Variants in FAT3 observed in about 807,000 individuals in gnomAD.
FAT3 encodes FAT atypical cadherin 3, also known as protocadherin Fat 3.
A neutral mutation model predicts 310.2 loss-of-function variants in FAT3; 95 were observed. The ratio of observed to expected loss-of-function variants is 0.31; its 90% confidence interval spans 0.26 to 0.36. FAT3 has a LOEUF of 0.36. Ranked by LOEUF, FAT3 falls within the 10% of genes least tolerant of loss-of-function variation. The pLI, the probability that FAT3 is intolerant of heterozygous loss-of-function variation, is 1.00. For missense variants in FAT3, 5,408 were observed against 5,715.6 expected (o/e 0.95, Z 1.74); for synonymous variants, 2,314 against 2,192.9 (o/e 1.06, Z -1.54).
chr11:92,641,539 A>G (rs1941963900), intron 3 of FAT3, among the ~76,000 whole-genome samples: 1 of 152,108 alleles, frequency 6.6e-6, no homozygotes, highest in Admixed American at 6.5e-5. Flanking sequence ...CCTTGGCTTG[A>G]GGCTGCGTCA....
chr11:92,685,063 C>T (rs905282271), intron 3 of FAT3, among the ~76,000 whole-genome samples: 19 of 152,192 alleles, frequency 1.2e-4, no homozygotes, highest in Admixed American at 1.2e-3. Context: ...AAATCAGAGA[C>T]TGACTATTTT....
chr11:92,865,287 A>T (rs1248948696), intron 21 of FAT3, among the ~76,000 whole-genome samples: 1 of 152,224 alleles, frequency 6.6e-6, no homozygotes, highest in Non-Finnish European at 1.5e-5. Context: ...AGAATGAGAG[A>T]TGCTCTGATA....
intron 4 of FAT3, among the ~76,000 whole-genome samples, chr11:92,758,238 A>G (rs964808633): frequency 2.6e-5 from 4 of 152,192 alleles, no homozygotes; most frequent in African/African-American, 9.7e-5. Context: ...ACAGTCTAGA[A>G]GGATTGAATG....
At chr11:92,405,590 C>G in intron 2 of FAT3, among the ~76,000 whole-genome samples, 1 of 152,122 alleles carries the variant, frequency 6.6e-6, no homozygotes, top group East Asian at 1.9e-4. Flanking sequence ...GACCCCATCT[C>G]TACAAAATAA....
At chr11:92,752,801 G>A (rs973082186) in intron 4 of FAT3, among the ~76,000 whole-genome samples, 1 of 152,172 alleles carries the variant, frequency 6.6e-6, no homozygotes, top group Non-Finnish European at 1.5e-5. Context: ...GGATAACAGA[G>A]GGGCTTTGCA....
At chr11:92,428,655 A>G (rs760815345) in intron 2 of FAT3, among the ~76,000 whole-genome samples, 1 of 152,200 alleles carries the variant, frequency 6.6e-6, no homozygotes, top group African/African-American at 2.4e-5. Context: ...GTAGTCATTC[A>G]GCAGCAGATT....
At chr11:92,713,579 A>G (rs1944590670) in intron 4 of FAT3, among the ~76,000 whole-genome samples, 1 of 152,116 alleles carries the variant, frequency 6.6e-6, no homozygotes, top group Admixed American at 6.6e-5. Context: ...CTGTACTTTA[A>G]TTTTTTCTCT....
intron 2 of FAT3, among the ~76,000 whole-genome samples, chr11:92,472,001 T>A (rs1418954970): frequency 6.7e-6 from 1 of 149,226 alleles, no homozygotes. Flanking sequence ...TTTATGTATG[T>A]AATTTATAGA....
chr11:92,844,057 G>C lies in FAT3; in HGVS notation c.10690G>C (p.Asp3564His), dbSNP rs981683617. The change falls in exon 19 of 28, where the codon GAC becomes CAC. Residue 3564 changes from aspartate to histidine, a missense_variant. Physicochemically the swap from Asp to His is moderately conservative, Grantham distance 81. Around this residue, in one of 5 missense-constraint regions of FAT3, gnomAD observed 4,588 missense variants for 4,809.8 expected, o/e 0.95. Coordinates refer to ENST00000525166, the MANE Select transcript of FAT3 (RefSeq NM_001367949.2). ...AATTTTCATTGTCACCATGGAGGAT[G>C]ACTTTCCTGGTGGGGTCATTGGGAA... ...LEIFIVTMED[D>H]FPGGVIGKIH... is the part of the protein sequence containing the mutation. The C allele has an allele frequency of 1.9e-6, 3 of 1,613,884 alleles. No homozygotes were observed. The highest frequency in any genetic ancestry group is 2.5e-6 in the Non-Finnish European group (3 of 1,179,908).
chr11:92,488,297 C>G (rs1952486096), intron 2 of FAT3, among the ~76,000 whole-genome samples: 1 of 152,112 alleles, frequency 6.6e-6, no homozygotes, highest in Non-Finnish European at 1.5e-5. Flanking sequence ...CTGTCTGACA[C>G]TTTGATTGCA....
At chr11:92,541,582 A>G (rs1178241695) in intron 3 of FAT3, among the ~76,000 whole-genome samples, 1 of 152,168 alleles carries the variant, frequency 6.6e-6, no homozygotes, top group African/African-American at 2.4e-5. Context: ...TTAAGAGATC[A>G]TTAATCTCTT....
Position 92,776,065 on chromosome 11 carries a change from T to A in FAT3, c.4335+1885T>A, listed in dbSNP as rs560078594. 4.6e-5 allele frequency among the ~76,000 whole-genome samples: 7 copies of A among 152,342 alleles called. No homozygotes were observed. In the South Asian group the frequency reaches 1.2e-3, roughly 27 times the overall value. On this transcript the variant is annotated intron_variant, in intron 7 of 27. Coordinates refer to ENST00000525166, the MANE Select transcript of FAT3 (RefSeq NM_001367949.2). ...ATTTAAGTTTTAAAAATTAGCCTTGTCTTAGCATATTCAACCTTGACTTCT... is the reference window on the plus strand; with the variant it reads ...ATTTAAGTTTTAAAAATTAGCCTTGACTTAGCATATTCAACCTTGACTTCT...
At chr11:92,605,719 G>GTTTTTTTT (rs5793613) in intron 3 of FAT3, among the ~76,000 whole-genome samples, 2 of 99,750 alleles carry the variant, frequency 2.0e-5, no homozygotes, top group African/African-American at 8.4e-5. Flanking sequence ...AAATAGCTAT[G>GTTTTTTTT]TTTTTTTTTT....
chr11:92,421,097 A>G (rs1396322908), intron 2 of FAT3, among the ~76,000 whole-genome samples: 1 of 152,214 alleles, frequency 6.6e-6, no homozygotes, highest in Non-Finnish European at 1.5e-5. Context: ...AGAACAGACC[A>G]CATACTCTTT....
intron 2 of FAT3, among the ~76,000 whole-genome samples, chr11:92,515,128 A>G (rs567153357): frequency 6.6e-6 from 1 of 152,244 alleles, no homozygotes; most frequent in South Asian, 2.1e-4. Context: ...ACATACACTT[A>G]TTGAGTGCCT....
chr11:92,700,499 A>G (rs543427283), intron 4 of FAT3, among the ~76,000 whole-genome samples: 15 of 152,128 alleles, frequency 9.9e-5, no homozygotes, highest in Admixed American at 3.9e-4. Flanking sequence ...AAGCTTCTAT[A>G]GAGATCCAGG....
At chr11:92,340,529 C>A (rs1325156247) in intron 1 of FAT3, among the ~76,000 whole-genome samples, 1 of 152,154 alleles carries the variant, frequency 6.6e-6, no homozygotes, top group Non-Finnish European at 1.5e-5. Context: ...CTCACTCTGG[C>A]TTTCAGTTTC....
intron 19 of FAT3, among the ~76,000 whole-genome samples, chr11:92,856,663 A>G (rs1948986617): frequency 6.6e-6 from 1 of 152,200 alleles, no homozygotes; most frequent in South Asian, 2.1e-4. Flanking sequence ...ATAACATAGC[A>G]TGTAGTAGAA....
chr11:92,700,413 G>A (rs977780891), intron 4 of FAT3, among the ~76,000 whole-genome samples: 4 of 152,090 alleles, frequency 2.6e-5, no homozygotes, highest in Non-Finnish European at 5.9e-5. Flanking sequence ...CATAAGTGAT[G>A]GCGGGCTGCC....
Sources: allele counts gnomAD v4.1 joint callset (sites outside exome capture counted in the v4.1 genomes callset), GRCh38; gene constraint gnomAD v4.1.1; regional missense constraint gnomAD v4.1.1; transcripts MANE v1.5; gene names NCBI Gene and HGNC (gene_info 2026-07-23, HGNC 2026-07-21).